CDH9: variants seen among roughly 807,000 people sequenced by gnomAD.
The protein encoded by CDH9 is cadherin-9.
Under a neutral mutation model 70.9 loss-of-function variants are expected in CDH9, and 28 were observed. The observed-to-expected ratio is 0.40, with a 90% CI of 0.29 to 0.54. The LOEUF (loss-of-function observed/expected upper bound fraction) is 0.54. Ranked by LOEUF, CDH9 falls within the 20% of genes least tolerant of loss-of-function variation. The probability of loss-of-function intolerance (pLI) is 0.59; values close to 1 mark genes in which losing one functional copy is unlikely to be tolerated. For missense variants in CDH9, 874 were observed against 984.4 expected, an observed-to-expected ratio of 0.89 and a Z score of 1.50; for synonymous variants, 409 against 343.1, an observed-to-expected ratio of 1.19 and a Z score of -2.12.
intron 2 of CDH9, among the ~76,000 whole-genome samples, chr5:26,920,016 C>A (rs541949298): frequency 6.6e-6 from 1 of 152,106 alleles, no homozygotes; most frequent in African/African-American, 2.4e-5. Context: ...AGCAGAGGGA[C>A]TTTATCTTGC....
intron 2 of CDH9, among the ~76,000 whole-genome samples, chr5:26,965,669 A>T (rs1327866193): frequency 6.6e-6 from 1 of 151,346 alleles, no homozygotes; most frequent in Non-Finnish European, 1.5e-5. Context: ...AAAATTGGAC[A>T]ACTAGAAACT....
intron 2 of CDH9, among the ~76,000 whole-genome samples, chr5:26,943,251 C>T (rs1415340878): frequency 1.3e-5 from 2 of 152,136 alleles, no homozygotes; most frequent in African/African-American, 2.4e-5. Flanking sequence ...GTAGCTTATG[C>T]CTGCAATCCC....
chr5:27,015,892 T>G (rs1480705674), intron 1 of CDH9, among the ~76,000 whole-genome samples: 1 of 151,656 alleles, frequency 6.6e-6, no homozygotes, highest in African/African-American at 2.4e-5. Flanking sequence ...CAATGAAAAA[T>G]TATTTTTAGT....
intron 1 of CDH9, among the ~76,000 whole-genome samples, chr5:27,017,432 A>ATT (rs5866815): frequency 2.0e-5 from 3 of 151,466 alleles, no homozygotes; most frequent in African/African-American, 7.3e-5. Flanking sequence ...GTCCACTGAA[A>ATT]TTTTTTTTGG....
At chr5:26,960,262 A>T (rs138774962) in intron 2 of CDH9, among the ~76,000 whole-genome samples, 165 of 152,120 alleles carry the variant, frequency 1.1e-3, no homozygotes, top group African/African-American at 3.8e-3. Flanking sequence ...TGTTCTAAGG[A>T]TACATTATTT....
chr5:26,941,708 A>G (rs1365504650), intron 2 of CDH9, among the ~76,000 whole-genome samples: 1 of 152,228 alleles, frequency 6.6e-6, no homozygotes, highest in Non-Finnish European at 1.5e-5. Flanking sequence ...ATCAGCAGAT[A>G]TGGGGAAAGG....
intron 2 of CDH9, among the ~76,000 whole-genome samples, chr5:26,977,695 G>C (rs1418413464): frequency 1.3e-5 from 2 of 151,950 alleles, no homozygotes; most frequent in Non-Finnish European, 2.9e-5. Flanking sequence ...AAAGGAGAAA[G>C]ATCCAGGAAT....
intron 2 of CDH9, among the ~76,000 whole-genome samples, chr5:26,925,132 C>G (rs1315288007): frequency 1.3e-5 from 2 of 152,166 alleles, no homozygotes; most frequent in East Asian, 1.9e-4. Flanking sequence ...GCCACACTGT[C>G]TTCCACAATG....
Position 26,987,264 on chromosome 5 carries a change from G to A in CDH9, c.228+842C>T, listed in dbSNP as rs542896626. 3.1e-4 allele frequency among the ~76,000 whole-genome samples: 47 copies of A among 151,696 alleles called. No individual in the cohort carries two copies. In the South Asian group the frequency reaches 7.1e-3, roughly 23 times the overall value. On this transcript the variant is annotated intron_variant, in intron 2 of 11. Coordinates refer to ENST00000231021, the MANE Select transcript of CDH9 (RefSeq NM_016279.4). ...AGACTGCAAGTATTTAAAATTGTTCGTTTTGTTGTAAAAATTTTAACATTC... is the reference window on the plus strand; with the variant it reads ...AGACTGCAAGTATTTAAAATTGTTCATTTTGTTGTAAAAATTTTAACATTC...
intron 2 of CDH9, among the ~76,000 whole-genome samples, chr5:26,916,505 A>G (rs1429837389): frequency 3.3e-5 from 5 of 151,970 alleles, no homozygotes; most frequent in Non-Finnish European, 7.4e-5. Flanking sequence ...GTACCTTCCT[A>G]TGACAAAGTT....
intron 1 of CDH9, among the ~76,000 whole-genome samples, chr5:27,020,484 A>G (rs909292272): frequency 6.6e-6 from 1 of 151,580 alleles, no homozygotes; most frequent in African/African-American, 2.4e-5. Context: ...TGTGATGATA[A>G]TTTGCTTTTC....
At chr5:26,950,508 G>A (rs1741826957) in intron 2 of CDH9, among the ~76,000 whole-genome samples, 1 of 152,134 alleles carries the variant, frequency 6.6e-6, no homozygotes, top group Non-Finnish European at 1.5e-5. Flanking sequence ...TCCAGAGAAG[G>A]AAGTAAAGTT....
intron 1 of CDH9, among the ~76,000 whole-genome samples, chr5:27,026,379 CA>C (rs1743222137): frequency 1.3e-5 from 2 of 151,750 alleles, no homozygotes; most frequent in South Asian, 4.1e-4. Flanking sequence ...TTTTGCTACC[CA>C]AAATGGTATG....
intron 2 of CDH9, among the ~76,000 whole-genome samples, chr5:26,977,457 AG>A (rs1351701582): frequency 7.1e-6 from 1 of 140,870 alleles, no homozygotes; most frequent in Non-Finnish European, 1.5e-5. Flanking sequence ...TTTTATATAG[AG>A]ATATATATGT....
chr5:26,915,170 G>T (rs1285760537), intron 3 of CDH9, among the ~76,000 whole-genome samples: 1 of 151,922 alleles, frequency 6.6e-6, no homozygotes, highest in African/African-American at 2.4e-5. Flanking sequence ...ACAGAATAGG[G>T]ATTTAAAGTT....
At chr5:27,031,510 C>T (rs958159575) in intron 1 of CDH9, among the ~76,000 whole-genome samples, 1 of 151,780 alleles carries the variant, frequency 6.6e-6, no homozygotes, top group Non-Finnish European at 1.5e-5. Context: ...ACATAAGTCA[C>T]ATATTTACTC....
chr5:26,889,849 G>A lies in CDH9; in HGVS notation c.1499C>T (p.Ala500Val), dbSNP rs774554589. Residue 500 changes from alanine (A) to valine (V), a missense_variant, in exon 9 of 12, where the codon GCA becomes GTA. Coordinates refer to ENST00000231021, the MANE Select transcript of CDH9 (RefSeq NM_016279.4). ...GATTTTATTTACCTGCCCAGGTTTTGCATTTTCACAAACAAATGTTTCATA... is the reference window on the plus strand; with the variant it reads ...GATTTTATTTACCTGCCCAGGTTTTACATTTTCACAAACAAATGTTTCATA... ...MYYETFVCEN[A>V]KPGQLIQTVS... The A allele has an allele frequency of 6.3e-7, 1 of 1,584,974 alleles. No homozygotes were observed. The highest frequency in any genetic ancestry group is 1.1e-5 in the South Asian group (1 of 89,172).
chr5:26,943,374 G>C (rs550324296), intron 2 of CDH9, among the ~76,000 whole-genome samples: 1 of 151,972 alleles, frequency 6.6e-6, no homozygotes, highest in Non-Finnish European at 1.5e-5. Flanking sequence ...TTAGCCTGAC[G>C]TGGTGGCTTG....
intron 1 of CDH9, among the ~76,000 whole-genome samples, chr5:27,016,404 T>G (rs1743047522): frequency 1.3e-5 from 2 of 151,988 alleles, no homozygotes; most frequent in Non-Finnish European, 2.9e-5. Flanking sequence ...TAAAAAAGTT[T>G]AATTATTGTA....
Sources: gnomAD v4.1 joint callset for allele counts (sites outside exome capture counted in the v4.1 genomes callset) on GRCh38, gnomAD v4.1.1 for gene constraint, MANE v1.5 for transcripts, NCBI Gene and HGNC (gene_info 2026-07-23, HGNC 2026-07-21) for gene names.